Variants in ADGRG5 observed in about 807,000 individuals in gnomAD.
ADGRG5 encodes G protein-coupled receptor 114.
A neutral mutation model predicts 53.2 loss-of-function variants in ADGRG5; 37 were observed. The ratio of observed to expected loss-of-function variants is 0.70; its 90% CI spans 0.53 to 0.91. The LOEUF (loss-of-function observed/expected upper bound fraction) is 0.91, where lower values mean the gene tolerates loss of function less well. ADGRG5 is among the 40% of genes least tolerant of loss of function. The pLI is 0.00. For synonymous variants in ADGRG5, 277 were observed against 290.4 expected, an observed-to-expected ratio of 0.95 and a Z score of 0.47; for missense variants, 614 against 675.8, an observed-to-expected ratio of 0.91 and a Z score of 1.01.
intron 9 of ADGRG5, among the ~76,000 whole-genome samples, chr16:57,569,394 C>T (rs1159647462): frequency 6.6e-6 from 1 of 151,624 alleles, no homozygotes; most frequent in African/African-American, 2.4e-5. Context: ...ACTCCATCAC[C>T]ACCTCCTCCA....
At chr16:57,575,231 G>A in intron 11 of ADGRG5, 139 bp downstream of exon 11, 2 of 1,059,158 alleles carry the variant, frequency 1.9e-6, no homozygotes. Context: ...AGCTAAGCTG[G>A]TGGGGGCTAC....
chr16:57,546,809 C>T (rs1293370656), intron 1 of ADGRG5, among the ~76,000 whole-genome samples: 1 of 152,140 alleles, frequency 6.6e-6, no homozygotes, highest in African/African-American at 2.4e-5. Flanking sequence ...GCCTCAACCT[C>T]CCGGGCTCAA....
upstream of ADGRG5, among the ~76,000 whole-genome samples, chr16:57,537,943 A>C (rs1302248818): frequency 6.6e-6 from 1 of 152,152 alleles, no homozygotes; most frequent in Non-Finnish European, 1.5e-5. Context: ...AGGCTCAGAG[A>C]GGCTCTTGGC....
intron 6 of ADGRG5, chr16:57,565,568 C>T (rs1672653697): frequency 3.8e-6 from 1 of 264,110 alleles, no homozygotes; most frequent in African/African-American, 2.2e-5. Flanking sequence ...TTTCCCTCTT[C>T]CCATCAGGCT....
Position 57,565,071 on chromosome 16 carries a change from TG to T in ADGRG5, c.472del (p.Ala158ProfsTer3). 2 of 1,613,888 alleles carry T rather than the reference TG, an allele frequency of 1.2e-6. No homozygotes were observed. Among genetic ancestry groups the T allele is most frequent in the Non-Finnish European group, 1.7e-6 (2 of 1,179,812 alleles). On this transcript the variant is annotated frameshift_variant, in exon 6 of 12. Coordinates refer to ENST00000349457, the MANE Select transcript of ADGRG5 (RefSeq NM_001304376.3). LOFTEE classifies it high-confidence loss of function. ...TCATCTCTGCTGAATAACTACGTCC[TG>T]GGGGCCCAGCTGAGTCATGGGCACG... ...NNSSLLNNYVLGAQLSHGHVN... is the reference protein window; with the variant it reads ...NNSSLLNNYVXGAQLSHGHVN...
intron 10 of ADGRG5, among the ~76,000 whole-genome samples, chr16:57,571,483 A>G (rs1478677342): frequency 2.0e-5 from 3 of 151,988 alleles, no homozygotes; most frequent in Non-Finnish European, 4.4e-5. Context: ...TCCCTCTCAC[A>G]TTGAGGCTCG....
upstream of ADGRG5, among the ~76,000 whole-genome samples, chr16:57,539,164 GAC>G (rs1491514170): frequency 1.3e-5 from 2 of 152,182 alleles, no homozygotes; most frequent in South Asian, 4.1e-4. Flanking sequence ...ATGAGAGTCT[GAC>G]ACACTACAAC....
chr16:57,567,886 CA>C lies in ADGRG5; in HGVS notation c.853del (p.Met285Ter). 1 of 1,612,488 alleles carries C rather than the reference CA, an allele frequency of 6.2e-7. No homozygotes were observed. Among genetic ancestry groups the C allele is most frequent in the Non-Finnish European group, 8.5e-7 (1 of 1,179,812 alleles). ...AGAGTGACTCCTTAACACGCATCCA[CA>C]TGAACCTGCATGCCTCCGTGCTGCT... ...KQSDSLTRIH[M>X]NLHASVLLLN... On this transcript the variant is annotated frameshift_variant, in exon 9 of 12. Coordinates refer to ENST00000349457, the MANE Select transcript of ADGRG5 (RefSeq NM_001304376.3). LOFTEE classifies it high-confidence loss of function.
intron 1 of ADGRG5, among the ~76,000 whole-genome samples, chr16:57,556,850 C>T (rs1377547401): frequency 1.3e-5 from 2 of 151,142 alleles, no homozygotes; most frequent in African/African-American, 4.9e-5. Context: ...TGCCAATCTG[C>T]TGGCAATGAA....
chr16:57,536,768 C>T, the ADGRG5 span, among the ~76,000 whole-genome samples: 2 of 152,288 alleles, frequency 1.3e-5, no homozygotes, highest in South Asian at 4.1e-4. Context: ...GCGGTGGGCT[C>T]TGCTGCAGAG....
At position 57,574,745 on chromosome 16, in the gene ADGRG5, A is replaced by G; in HGVS notation, c.1209-70A>G. On this transcript the variant is annotated intron_variant, in intron 10 of 11. Coordinates refer to ENST00000349457, the MANE Select transcript of ADGRG5 (RefSeq NM_001304376.3). The surrounding 1 kb of genome is among the most constrained non-coding windows in gnomAD (Gnocchi z 4.4). ...GAGCCAGGAGACCGAGTGGGGCTTC[A>G]GGGAGTGATGCTGGCCTCCCCGCGG... is the stretch of plus-strand genomic sequence containing the variant. The G allele has an allele frequency of 6.8e-7, 1 of 1,467,402 alleles. No homozygotes were observed. Among genetic ancestry groups the G allele is most frequent in the Non-Finnish European group, 9.1e-7 (1 of 1,098,638 alleles). The allele number at this position is 1,467,402 out of a possible 1,614,324, so 90.9% of individuals were successfully genotyped here. A position where few individuals can be genotyped will look rare whatever the true frequency, so the allele number is the denominator to read the frequency against.
upstream of ADGRG5, among the ~76,000 whole-genome samples, chr16:57,541,699 A>T (rs551725690): frequency 5.9e-5 from 9 of 152,294 alleles, no homozygotes; most frequent in East Asian, 1.5e-3. Context: ...GGAAGAGCAC[A>T]TTCCTGAGTC....
the ADGRG5 span, among the ~76,000 whole-genome samples, chr16:57,529,758 C>G: frequency 6.6e-6 from 1 of 152,164 alleles, no homozygotes; most frequent in African/African-American, 2.4e-5. The surrounding 1 kb of genome is among the most constrained non-coding windows in gnomAD (Gnocchi z 4.1). Flanking sequence ...TCCTGGAGCA[C>G]TTCAGGCCAG....
chr16:57,553,250 A>G (rs924169850), intron 1 of ADGRG5, among the ~76,000 whole-genome samples: 3 of 152,240 alleles, frequency 2.0e-5, no homozygotes, highest in African/African-American at 4.8e-5. Flanking sequence ...AATTTGTAAA[A>G]AAAACCCACA....
chr16:57,563,399 C>T (rs906026205), intron 4 of ADGRG5, 152 bp downstream of exon 4: 3 of 691,636 alleles, frequency 4.3e-6, no homozygotes, highest in Non-Finnish European at 7.5e-6. Flanking sequence ...GTTGCCTCCT[C>T]TGTAAAATGG....
At chr16:57,529,185 CCGGGCGGGCCCTGAGCTCGAACTCGCGGT>C in the ADGRG5 span, 18 of 1,178,590 alleles carry the variant, frequency 1.5e-5, no homozygotes, top group African/African-American at 2.4e-4. The surrounding 1 kb of genome is among the most constrained non-coding windows in gnomAD (Gnocchi z 4.1). Flanking sequence ...CATGGTGCGG[CCGGGCGGGCCCTGAGCTCGAACTCGCGGT>C]CGGGCTCAGG....
chr16:57,545,181 T>G (rs2032588023), intron 1 of ADGRG5, among the ~76,000 whole-genome samples: 1 of 152,180 alleles, frequency 6.6e-6, no homozygotes, highest in African/African-American at 2.4e-5. Flanking sequence ...AACCCAGTCC[T>G]CTGTGACTCC....
chr16:57,546,703 G>A (rs1243628297), intron 1 of ADGRG5, among the ~76,000 whole-genome samples: 1 of 152,046 alleles, frequency 6.6e-6, no homozygotes, highest in East Asian at 1.9e-4. Context: ...CCCCACTCCA[G>A]TGTTTTCTTA....
chr16:57,551,178 GC>G (rs1429234386), intron 1 of ADGRG5, among the ~76,000 whole-genome samples: 12 of 152,136 alleles, frequency 7.9e-5, no homozygotes, highest in African/African-American at 2.7e-4. Flanking sequence ...CAAATCACAC[GC>G]TTTTTTGCTG....
Sources: gnomAD v4.1 joint callset for allele counts (sites outside exome capture counted in the v4.1 genomes callset) on GRCh38, gnomAD v4.1.1 for gene constraint, Gnocchi (gnomAD v3.1) non-coding constraint, MANE v1.5 for transcripts, NCBI Gene and HGNC (gene_info 2026-07-23, HGNC 2026-07-21) for gene names.